Variants in AFF1 observed in about 807,000 individuals in gnomAD.
AFF1 encodes the protein AF4/FMR2 family member 1.
Under a neutral mutation model 121.7 loss-of-function variants are expected in AFF1, and 48 were observed. The ratio of observed to expected loss-of-function variants is 0.39; its 90% CI spans 0.31 to 0.50. AFF1 has a LOEUF of 0.50. Among genes scored for constraint, AFF1 ranks in the 20% least tolerant of loss-of-function variants. The probability of loss-of-function intolerance (pLI) is 0.76; values close to 1 mark genes in which losing one functional copy is unlikely to be tolerated. For synonymous variants in AFF1, 613 were observed against 563.0 expected (o/e 1.09, Z -1.26); for missense variants, 1,523 against 1,511.7 (o/e 1.01, Z -0.12).
intron 15 of AFF1, 148 bp downstream of exon 15, chr4:87,127,265 A>G (rs1728371701): frequency 1.4e-6 from 1 of 690,008 alleles, no homozygotes; most frequent in South Asian, 1.8e-5. Flanking sequence ...GGTTCAAGTG[A>G]TTCTCCTGCC....
chr4:86,975,511 A>G (rs1380462862), intron 2 of AFF1, among the ~76,000 whole-genome samples: 2 of 152,156 alleles, frequency 1.3e-5, no homozygotes, highest in African/African-American at 4.8e-5. Flanking sequence ...TCGGCCTCCC[A>G]AAGTGCTGGG....
chr4:86,996,618 A>T (rs1725229774), intron 2 of AFF1, among the ~76,000 whole-genome samples: 2 of 151,208 alleles, frequency 1.3e-5, no homozygotes, highest in Admixed American at 1.3e-4. Context: ...GCCTAGGAAA[A>T]CCAGAGACCT....
At chr4:87,105,243 C>T (rs943481322) in intron 8 of AFF1, among the ~76,000 whole-genome samples, 3 of 152,172 alleles carry the variant, frequency 2.0e-5, no homozygotes, top group African/African-American at 7.2e-5. Flanking sequence ...TTATGTATCC[C>T]TCCCCATTTG....
intron 12 of AFF1, among the ~76,000 whole-genome samples, chr4:87,116,640 G>A (rs3755983): frequency 0.19 from 28,601 of 152,124 alleles, 3,174 homozygotes; most frequent in East Asian, 0.39. Context: ...CGACTTTACC[G>A]AATAGTAAAG....
chr4:86,952,687 C>CTTTTTT (rs35008076), intron 2 of AFF1, among the ~76,000 whole-genome samples: 1 of 122,990 alleles, frequency 8.1e-6, no homozygotes. Flanking sequence ...AAAAACACAA[C>CTTTTTT]TTTTTTTTTT....
chr4:87,042,583 T>C (rs550081010), intron 2 of AFF1, among the ~76,000 whole-genome samples: 13 of 152,314 alleles, frequency 8.5e-5, no homozygotes, highest in Admixed American at 7.2e-4. Context: ...TCACTACTTA[T>C]AGGGCTTTTA....
chr4:87,066,808 C>A (rs140273438), intron 4 of AFF1, among the ~76,000 whole-genome samples: 227 of 152,292 alleles, frequency 1.5e-3, no homozygotes, highest in African/African-American at 5.0e-3. Flanking sequence ...GTGGACAGCA[C>A]CTCAGCCTCT....
At chr4:87,108,387 G>A in intron 11 of AFF1, 72 bp downstream of exon 11, 1 of 1,533,700 alleles carries the variant, frequency 6.5e-7, no homozygotes, top group Non-Finnish European at 8.8e-7. Context: ...AGTCAGTGCT[G>A]TGGGCCAGGA....
chr4:86,944,402 T>G (rs1031207702), intron 1 of AFF1, among the ~76,000 whole-genome samples: 10 of 152,070 alleles, frequency 6.6e-5, no homozygotes, highest in African/African-American at 2.4e-4. Context: ...AGTCTTGTTC[T>G]GTCGCCCATG....
Position 87,111,005 on chromosome 4 carries a change from T to TTA in AFF1, c.1533+2691_1533+2692insAT, listed in dbSNP as rs1726450391. Among the ~76,000 whole-genome samples the TTA allele has an allele frequency of 7.9e-5, 2 of 25,284 alleles. 1 individual carries two copies. The highest frequency in any genetic ancestry group is 2.7e-4 in the African/African-American group (2 of 7,382). 16.6% of individuals were successfully genotyped at this position (25,284 alleles called of 152,430 possible). A position where few individuals can be genotyped will look rare whatever the true frequency, so the allele number is the denominator to read the frequency against. On this transcript the variant is annotated intron_variant, in intron 11 of 20. Transcript: ENST00000395146. Reference sequence around the variant, plus strand: ...TTTATCTACTTAAACTTTATTTTTTTTTTTTTATTTTTTTTTTTTTGAGAC... The same window carrying TTA: ...TTTATCTACTTAAACTTTATTTTTTTTATTTTTTATTTTTTTTTTTTTGAGAC...
chr4:87,137,200 G>A lies in AFF1; in HGVS notation c.*1499G>A. The A allele has an allele frequency of 4.4e-6, 1 of 228,136 alleles. No individual in the cohort carries two copies. The highest frequency in any genetic ancestry group is 8.7e-6 in the Non-Finnish European group (1 of 114,654). The allele number at this position is 228,136 out of a possible 1,614,324, so 14.1% of individuals were successfully genotyped here. ...TAGAATTTGCACACTTACTACAATTGAGGAGTGTCATCTCTATAACTTTTT... is the reference window on the plus strand; with the variant it reads ...TAGAATTTGCACACTTACTACAATTAAGGAGTGTCATCTCTATAACTTTTT... On this transcript the variant is annotated 3_prime_UTR_variant, in exon 21 of 21. Coordinates refer to ENST00000395146, the MANE Select transcript of AFF1 (RefSeq NM_001166693.3).
Position 87,046,330 on chromosome 4 carries a change from T to C in AFF1, c.159+44T>C, listed in dbSNP as rs767943092. 6 of 1,595,694 alleles carry C rather than the reference T, an allele frequency of 3.8e-6. No individual in the cohort carries two copies. In the South Asian group the frequency reaches 6.7e-5, roughly 18 times the overall value. ...ACATTGAAGTCCTGATTTATCACAA[T>C]GTTGAACCCTATGATGAAACAATTC... is the stretch of plus-strand genomic sequence containing the variant. On this transcript the variant is annotated intron_variant, in intron 3 of 20. Transcript: ENST00000395146.
chr4:86,948,441 A>T (rs1189388354), intron 1 of AFF1, 57 bp from the exon 2 acceptor site: 4 of 1,184,772 alleles, frequency 3.4e-6, no homozygotes, highest in Non-Finnish European at 4.8e-6. Context: ...GGTCATGCGT[A>T]TCCCTGAATT....
intron 1 of AFF1, among the ~76,000 whole-genome samples, chr4:86,942,419 A>G (rs1232129108): frequency 6.6e-6 from 1 of 152,260 alleles, no homozygotes; most frequent in African/African-American, 2.4e-5. Flanking sequence ...TTTATTTAGC[A>G]TAAGTTAACT....
At chr4:86,997,761 C>A (rs1379329151) in intron 2 of AFF1, among the ~76,000 whole-genome samples, 77 of 131,822 alleles carry the variant, frequency 5.8e-4, no homozygotes, top group Admixed American at 6.1e-4. Flanking sequence ...GACTCCATCT[C>A]AAAAAAAAAA....
intron 14 of AFF1, 105 bp downstream of exon 14, chr4:87,126,441 GC>G: frequency 9.4e-7 from 1 of 1,063,180 alleles, no homozygotes; most frequent in Non-Finnish European, 1.4e-6. Flanking sequence ...ACTGTCCATT[GC>G]TTTTAATGAG....
chr4:87,086,054 A>G (rs1266301284), intron 5 of AFF1, among the ~76,000 whole-genome samples: 1 of 152,186 alleles, frequency 6.6e-6, no homozygotes, highest in Non-Finnish European at 1.5e-5. Context: ...ACATACTTTG[A>G]ACTGCTAACA....
chr4:87,118,962 T>G lies in AFF1; in HGVS notation c.2466+3663T>G, dbSNP rs551650702. Among the ~76,000 whole-genome samples, 5 of 152,288 alleles carry G rather than the reference T, an allele frequency of 3.3e-5. No homozygotes were observed. In the South Asian group the frequency reaches 1.0e-3, roughly 32 times the overall value. ...CTAGAGGTTTCCCATTGGTTTCCCA[T>G]TGGTTCACTCTAGTGGTCCACGACT... On this transcript the variant is annotated intron_variant, in intron 12 of 20. Transcript: ENST00000395146.
At chr4:86,973,677 A>G (rs1264149956) in intron 2 of AFF1, among the ~76,000 whole-genome samples, 1 of 152,216 alleles carries the variant, frequency 6.6e-6, no homozygotes, top group Non-Finnish European at 1.5e-5. Flanking sequence ...AATGTTTATT[A>G]TGAGGACCTG....
Sources: allele counts gnomAD v4.1 joint callset (sites outside exome capture counted in the v4.1 genomes callset), GRCh38; gene constraint gnomAD v4.1.1; transcripts MANE v1.5; gene names NCBI Gene and HGNC (gene_info 2026-07-23, HGNC 2026-07-21).